The following CTNND2 variants were observed in gnomAD, a reference collection of about 807,000 sequenced individuals.
The protein encoded by CTNND2 is catenin delta 2.
A neutral mutation model predicts 144.4 loss-of-function variants in CTNND2; 22 were observed. The ratio of observed to expected loss-of-function variants is 0.15; its 90% confidence interval spans 0.11 to 0.22. The LOEUF (loss-of-function observed/expected upper bound fraction) is 0.22, where lower values mean the gene tolerates loss of function less well. Ranked by LOEUF, CTNND2 falls within the 10% of genes least tolerant of loss-of-function variation. CTNND2 has a pLI of 1.00. For synonymous variants in CTNND2, 751 were observed against 695.6 expected, an observed-to-expected ratio of 1.08 and a Z score of -1.25; for missense variants, 1,353 against 1,618.8, an observed-to-expected ratio of 0.84 and a Z score of 2.82.
chr5:11,902,248 A>G (rs1737961642), intron 1 of CTNND2, among the ~76,000 whole-genome samples: 1 of 152,228 alleles, frequency 6.6e-6, no homozygotes, highest in African/African-American at 2.4e-5. Flanking sequence ...CATTCTCCGT[A>G]TGGCAACCAT....
intron 2 of CTNND2, among the ~76,000 whole-genome samples, chr5:11,592,736 G>T (rs933865928): frequency 3.3e-5 from 5 of 151,682 alleles, no homozygotes; most frequent in African/African-American, 4.8e-5. Context: ...TTCTGGGGGG[G>T]TAAGGGGCCT....
intron 2 of CTNND2, among the ~76,000 whole-genome samples, chr5:11,586,028 CT>C (rs1231123020): frequency 6.6e-6 from 1 of 152,060 alleles, no homozygotes; most frequent in Admixed American, 6.5e-5. Context: ...CACAGAGGCC[CT>C]TGTTGGCCAC....
At chr5:11,811,010 T>A (rs1425637438) in intron 1 of CTNND2, among the ~76,000 whole-genome samples, 2 of 152,180 alleles carry the variant, frequency 1.3e-5, no homozygotes. Context: ...CATTAAGCCA[T>A]AAGAAGTCAT....
intron 3 of CTNND2, among the ~76,000 whole-genome samples, chr5:11,556,313 A>C (rs979709128): frequency 6.6e-6 from 1 of 152,184 alleles, no homozygotes; most frequent in Non-Finnish European, 1.5e-5. Context: ...ATATTTTGGC[A>C]AATTGATTAT....
chr5:10,980,536 C>G (rs1737093848), intron 21 of CTNND2, among the ~76,000 whole-genome samples: 1 of 152,116 alleles, frequency 6.6e-6, no homozygotes, highest in Admixed American at 6.5e-5. Flanking sequence ...CCCAGTGATC[C>G]CATTACTGGG....
intron 3 of CTNND2, among the ~76,000 whole-genome samples, chr5:11,484,906 C>A (rs192793457): frequency 6.6e-6 from 1 of 152,078 alleles, no homozygotes; most frequent in African/African-American, 2.4e-5. Flanking sequence ...GGTGGGCCTG[C>A]CAAAACTTTC....
At chr5:11,395,726 A>G (rs1760045086) in intron 6 of CTNND2, among the ~76,000 whole-genome samples, 1 of 152,214 alleles carries the variant, frequency 6.6e-6, no homozygotes, top group South Asian at 2.1e-4. Flanking sequence ...ATGAACAAGG[A>G]TGTTGCTTGA....
At chr5:11,490,079 C>T (rs933711055) in intron 3 of CTNND2, among the ~76,000 whole-genome samples, 2 of 152,216 alleles carry the variant, frequency 1.3e-5, no homozygotes, top group Non-Finnish European at 2.9e-5. Flanking sequence ...AAAACAAAAT[C>T]TCAGCTTCTC....
chr5:11,744,371 C>T (rs1788186540), intron 1 of CTNND2, among the ~76,000 whole-genome samples: 1 of 152,166 alleles, frequency 6.6e-6, no homozygotes, highest in Non-Finnish European at 1.5e-5. Flanking sequence ...GGCCAAGCAA[C>T]AGGTTAGGCT....
At chr5:11,862,835 T>A (rs1227085722) in intron 1 of CTNND2, among the ~76,000 whole-genome samples, 1 of 152,136 alleles carries the variant, frequency 6.6e-6, no homozygotes, top group African/African-American at 2.4e-5. Context: ...GCACAGAAGA[T>A]GAGAAAAACA....
intron 12 of CTNND2, among the ~76,000 whole-genome samples, chr5:11,133,884 G>T (rs1252534574): frequency 6.6e-6 from 1 of 152,182 alleles, no homozygotes; most frequent in Non-Finnish European, 1.5e-5. Context: ...TGTCATGATT[G>T]CACTTTTCCC....
chr5:11,806,497 T>C (rs1792007409), intron 1 of CTNND2, among the ~76,000 whole-genome samples: 1 of 152,194 alleles, frequency 6.6e-6, no homozygotes, highest in South Asian at 2.1e-4. Context: ...TAAGGTAGAA[T>C]ATATTCAATC....
chr5:11,258,177 G>C (rs1206270021), intron 9 of CTNND2, among the ~76,000 whole-genome samples: 1 of 152,158 alleles, frequency 6.6e-6, no homozygotes, highest in Non-Finnish European at 1.5e-5. Context: ...TATCAGAGTA[G>C]TGCAAAGTCC....
At chr5:11,259,825 T>C (rs916126005) in intron 9 of CTNND2, among the ~76,000 whole-genome samples, 2 of 152,206 alleles carry the variant, frequency 1.3e-5, no homozygotes, top group Admixed American at 6.5e-5. Flanking sequence ...AGTTTGTTGT[T>C]AACAACCCTC....
rs187230361 is a variant in CTNND2, at chr5:11,447,300, T to A, written c.288-35231A>T. Reference sequence around the variant, plus strand: ...GAGGTTGCAATGAGCTGAGATCCTGTCACTGCACTTCAGCCTGGGCAACAG... The same window carrying A: ...GAGGTTGCAATGAGCTGAGATCCTGACACTGCACTTCAGCCTGGGCAACAG... On this transcript the variant is annotated intron_variant, in intron 3 of 21. Coordinates refer to ENST00000304623, the MANE Select transcript of CTNND2 (RefSeq NM_001332.4). Among the ~76,000 whole-genome samples, 148 of 150,164 alleles carry A rather than the reference T, an allele frequency of 9.9e-4. 1 individual carries two copies. Among genetic ancestry groups the A allele is most frequent in the African/African-American group, 3.5e-3 (143 of 40,736 alleles).
At chr5:11,558,350 G>A (rs541918672) in intron 3 of CTNND2, among the ~76,000 whole-genome samples, 2 of 96,326 alleles carry the variant, frequency 2.1e-5, no homozygotes, top group East Asian at 7.0e-4. Flanking sequence ...ACGTGTGTGT[G>A]TGTGTGTGTG....
intron 2 of CTNND2, among the ~76,000 whole-genome samples, chr5:11,670,207 G>A (rs1386854427): frequency 1.3e-5 from 2 of 152,140 alleles, no homozygotes; most frequent in African/African-American, 2.4e-5. Context: ...ATGTGGTGCT[G>A]AGAACAATGT....
chr5:11,432,751 C>A (rs1763411561), intron 3 of CTNND2, among the ~76,000 whole-genome samples: 1 of 152,212 alleles, frequency 6.6e-6, no homozygotes, highest in South Asian at 2.1e-4. Flanking sequence ...GTTTTGGATT[C>A]ATTACTATAA....
chr5:11,112,577 G>A (rs142094841), intron 13 of CTNND2, among the ~76,000 whole-genome samples: 1 of 152,266 alleles, frequency 6.6e-6, no homozygotes, highest in African/African-American at 2.4e-5. Flanking sequence ...CACCAAGTTT[G>A]TGGTCATTGG....
Sources: gnomAD v4.1 joint callset for allele counts (sites outside exome capture counted in the v4.1 genomes callset) on GRCh38, gnomAD v4.1.1 for gene constraint, MANE v1.5 for transcripts, NCBI Gene and HGNC (gene_info 2026-07-23, HGNC 2026-07-21) for gene names.